PRKAG2: variants seen among roughly 807,000 people sequenced by gnomAD.
PRKAG2 encodes the protein 5'-AMP-activated protein kinase subunit gamma-2.
Under a neutral mutation model 69.6 loss-of-function variants are expected in PRKAG2, and 26 were observed. The ratio of observed to expected loss-of-function variants is 0.37; its 90% CI spans 0.27 to 0.52. PRKAG2 has a LOEUF of 0.52. Among genes scored for constraint, PRKAG2 ranks in the 20% least tolerant of loss-of-function variants. PRKAG2 has a pLI of 0.90. For synonymous variants in PRKAG2, 293 were observed against 285.0 expected (o/e 1.03, Z -0.28); for missense variants, 557 against 740.0 (o/e 0.75, Z 2.87).
rs78441549 is a variant in PRKAG2 at position 151,594,155 on chromosome 7, C to T, written c.864+1190G>A. On this transcript the variant is annotated intron_variant, in intron 6 of 15. Coordinates refer to ENST00000287878, the MANE Select transcript of PRKAG2 (RefSeq NM_016203.4). The stretch of plus-strand genomic sequence containing the variant: ...CAGGGCACCTTTCAGCTGGTGCTCC[C>T]GAAGGCTCAGGCTGAGGCAGCCCTT... Among the ~76,000 whole-genome samples the T allele has an allele frequency of 7.9e-5, 12 of 152,268 alleles. No individual in the cohort carries two copies. The East Asian group carries it at 1.7e-3, about 22-fold the overall frequency.
intron 5 of PRKAG2, among the ~76,000 whole-genome samples, chr7:151,623,844 G>A (rs1182905398): frequency 1.3e-5 from 2 of 152,118 alleles, no homozygotes; most frequent in Non-Finnish European, 2.9e-5. Flanking sequence ...CAAAGCTAGA[G>A]AAGTCAACGT....
At chr7:151,622,350 T>C (rs1456004653) in intron 5 of PRKAG2, among the ~76,000 whole-genome samples, 3 of 152,250 alleles carry the variant, frequency 2.0e-5, no homozygotes, top group African/African-American at 4.8e-5. Context: ...ATCTTTCTGT[T>C]GTGCGTCCTC....
intron 3 of PRKAG2, among the ~76,000 whole-genome samples, chr7:151,718,401 C>T (rs988724974): frequency 2.6e-5 from 4 of 152,066 alleles, no homozygotes; most frequent in Non-Finnish European, 4.4e-5. Flanking sequence ...TAAGCCACAT[C>T]GAGGGTCAGG....
chr7:151,832,258 GGGAAGGAA>G (rs1369877141), intron 1 of PRKAG2, among the ~76,000 whole-genome samples: 5 of 126,066 alleles, frequency 4.0e-5, no homozygotes, highest in African/African-American at 1.2e-4. Flanking sequence ...GAAGGGAGGA[GGGAAGGAA>G]GGGAGGAGGG....
At chr7:151,590,977 G>C (rs1812967264) in intron 6 of PRKAG2, among the ~76,000 whole-genome samples, 1 of 152,200 alleles carries the variant, frequency 6.6e-6, no homozygotes, top group African/African-American at 2.4e-5. Flanking sequence ...GAGATGCCAG[G>C]CTTCTGTGGC....
In PRKAG2 at chr7:151,830,734, A is replaced by C. The variant is rs535042435; in HGVS notation, c.115-44193T>G. Among the ~76,000 whole-genome samples the C allele has an allele frequency of 3.5e-4, 46 of 131,338 alleles. 2 individuals are homozygous for C. Among genetic ancestry groups the C allele is most frequent in the Admixed American group, 6.3e-4 (7 of 11,124 alleles). The allele number at this position is 131,338 out of a possible 152,430, so 86.2% of individuals were successfully genotyped here. A position where few individuals can be genotyped will look rare whatever the true frequency, so the allele number is the denominator to read the frequency against. ...GTGGACAGCTGAGGCTGCTCTGGAA[A>C]ACTCCCTCTGGCCAAACTTCCCTCT... is the stretch of plus-strand genomic sequence containing the variant. On this transcript the variant is annotated intron_variant, in intron 1 of 15. Transcript: ENST00000287878.
chr7:151,818,922 T>G (rs1051869010), intron 1 of PRKAG2, among the ~76,000 whole-genome samples: 3 of 152,252 alleles, frequency 2.0e-5, no homozygotes, highest in African/African-American at 7.2e-5. Flanking sequence ...CTGTGCAATA[T>G]GCCAGGTCCT....
At chr7:151,665,005 A>T (rs1830835214) in intron 4 of PRKAG2, among the ~76,000 whole-genome samples, 1 of 152,210 alleles carries the variant, frequency 6.6e-6, no homozygotes, top group East Asian at 1.9e-4. Flanking sequence ...GACCAAAATG[A>T]TGCTAATCCA....
chr7:151,558,510 A>G (rs1236522777), intron 15 of PRKAG2: 18 of 964,828 alleles, frequency 1.9e-5, no homozygotes, highest in Non-Finnish European at 2.2e-5. Context: ...ACTTGCTTAC[A>G]TTCAGACAGC....
chr7:151,616,869 C>T (rs1202327141), intron 5 of PRKAG2, among the ~76,000 whole-genome samples: 1 of 152,196 alleles, frequency 6.6e-6, no homozygotes, highest in Non-Finnish European at 1.5e-5. Context: ...GTAGCCGTAT[C>T]TTAGCCTGAA....
chr7:151,777,943 G>A lies in PRKAG2; in HGVS notation c.466+3209C>T, dbSNP rs55964814. 0.083 allele frequency among the ~76,000 whole-genome samples: 12,564 copies of A among 152,156 alleles called. 592 individuals carry two copies. Among genetic ancestry groups the A allele is most frequent in the Non-Finnish European group, 0.1 (6,828 of 67,980 alleles). ...CTGCTCTGGGGTCATGGAGCCAGAG[G>A]TCACAAGACTTGCAACTTCCCCAGT... On this transcript the variant is annotated intron_variant, in intron 3 of 15. Coordinates refer to ENST00000287878, the MANE Select transcript of PRKAG2 (RefSeq NM_016203.4). This position sits in a 1 kb window ranked among gnomAD's most constrained non-coding sequence, Gnocchi z 4.3.
intron 3 of PRKAG2, among the ~76,000 whole-genome samples, chr7:151,735,361 C>A (rs1799605568): frequency 6.6e-6 from 1 of 152,148 alleles, no homozygotes; most frequent in African/African-American, 2.4e-5. Context: ...TCCTCCTGTA[C>A]ATGGAGGAGC....
chr7:151,686,861 A>C (rs533211126), intron 3 of PRKAG2, among the ~76,000 whole-genome samples: 96 of 152,338 alleles, frequency 6.3e-4, no homozygotes, highest in African/African-American at 2.3e-3. Context: ...ACTGTTCAAA[A>C]TATGTTGGAA....
chr7:151,795,123 T>G (rs2077433986), intron 1 of PRKAG2, among the ~76,000 whole-genome samples: 1 of 152,166 alleles, frequency 6.6e-6, no homozygotes, highest in African/African-American at 2.4e-5. Flanking sequence ...TCATCACACA[T>G]GCTTGTCTTC....
chr7:151,680,883 C>T (rs112881432), intron 3 of PRKAG2, among the ~76,000 whole-genome samples: 24 of 152,330 alleles, frequency 1.6e-4, no homozygotes, highest in African/African-American at 4.3e-4. Context: ...TCTTTCTCTT[C>T]GAGAAGTTTT....
At chr7:151,693,870 T>A (rs1836132939) in intron 3 of PRKAG2, among the ~76,000 whole-genome samples, 1 of 152,162 alleles carries the variant, frequency 6.6e-6, no homozygotes, top group Admixed American at 6.5e-5. Flanking sequence ...AGAAAGAAAT[T>A]TCTGTTCTTT....
intron 1 of PRKAG2, among the ~76,000 whole-genome samples, chr7:151,868,851 C>CA (rs561441351): frequency 1.3e-5 from 2 of 152,124 alleles, no homozygotes; most frequent in East Asian, 3.9e-4. Context: ...ACAGGGAGAG[C>CA]AAAAGAAAAT....
chr7:151,688,918 G>C (rs928693781), intron 3 of PRKAG2, among the ~76,000 whole-genome samples: 1 of 152,088 alleles, frequency 6.6e-6, no homozygotes, highest in East Asian at 1.9e-4. Context: ...CTCTCCTCCA[G>C]GGTGGCCGGC....
intron 5 of PRKAG2, among the ~76,000 whole-genome samples, chr7:151,605,742 A>C (rs1172788689): frequency 6.6e-6 from 1 of 152,118 alleles, no homozygotes; most frequent in Non-Finnish European, 1.5e-5. Flanking sequence ...GATCGAGACC[A>C]TCCTAGCCAA....
Sources: gnomAD v4.1 joint callset for allele counts (sites outside exome capture counted in the v4.1 genomes callset) on GRCh38, gnomAD v4.1.1 for gene constraint, Gnocchi (gnomAD v3.1) non-coding constraint, MANE v1.5 for transcripts, NCBI Gene and HGNC (gene_info 2026-07-23, HGNC 2026-07-21) for gene names.